XKR6: variants seen among roughly 807,000 people sequenced by gnomAD.
XKR6 encodes the protein XK-related protein 6.
In XKR6, 22 loss-of-function variants were observed where a neutral mutation model predicts 56.7. The observed-to-expected ratio is 0.39, with a 90% CI of 0.28 to 0.55. The LOEUF is 0.55. Among genes scored for constraint, XKR6 ranks in the 20% least tolerant of loss-of-function variants. The probability of loss-of-function intolerance (pLI) is 0.66; values close to 1 mark genes in which losing one functional copy is unlikely to be tolerated. For synonymous variants in XKR6, 524 were observed against 387.8 expected, an observed-to-expected ratio of 1.35 and a Z score of -4.13; for missense variants, 852 against 889.0, an observed-to-expected ratio of 0.96 and a Z score of 0.53.
intron 1 of XKR6, among the ~76,000 whole-genome samples, chr8:10,956,365 G>T (rs186468472): frequency 6.6e-6 from 1 of 152,138 alleles, no homozygotes; most frequent in African/African-American, 2.4e-5. Flanking sequence ...CTTGCCAGGC[G>T]TCTATCCCTG....
intron 1 of XKR6, among the ~76,000 whole-genome samples, chr8:10,925,294 G>A (rs941526828): frequency 1.3e-5 from 2 of 152,210 alleles, no homozygotes; most frequent in Admixed American, 6.5e-5. Context: ...CTCCTACTAC[G>A]TGCCATTCGC....
chr8:10,961,823 C>T (rs756486156), intron 1 of XKR6, among the ~76,000 whole-genome samples: 3 of 152,294 alleles, frequency 2.0e-5, no homozygotes, highest in Non-Finnish European at 4.4e-5. Flanking sequence ...ACCTGCCTTC[C>T]GAGGGGAACG....
At chr8:11,044,081 TAC>T (rs1799350105) in intron 1 of XKR6, among the ~76,000 whole-genome samples, 1 of 152,240 alleles carries the variant, frequency 6.6e-6, no homozygotes, top group African/African-American at 2.4e-5. Context: ...CAGCTGTAAC[TAC>T]AGCTTTGATT....
intron 1 of XKR6, among the ~76,000 whole-genome samples, chr8:10,966,272 G>A (rs187920051): frequency 1.3e-3 from 204 of 152,138 alleles, no homozygotes; most frequent in African/African-American, 4.7e-3. Flanking sequence ...TGCTGATGCC[G>A]CTGGTCCATG....
At chr8:11,171,408 T>C (rs11997750) in intron 1 of XKR6, among the ~76,000 whole-genome samples, 3,555 of 152,330 alleles carry the variant, frequency 0.023, 159 homozygotes, top group African/African-American at 0.079. Context: ...AGAGTTTGGA[T>C]ATTTTTCCCC....
At chr8:11,042,901 C>T (rs1290492980) in intron 1 of XKR6, among the ~76,000 whole-genome samples, 2 of 152,136 alleles carry the variant, frequency 1.3e-5, no homozygotes, top group Non-Finnish European at 2.9e-5. Flanking sequence ...AGAGTCCTCC[C>T]TGCACTCCTC....
In XKR6 at chr8:11,086,157, T is replaced by TTTTA. The variant is rs1491345169; in HGVS notation, c.764+114418_764+114419insTAAA. On this transcript the variant is annotated intron_variant, in intron 1 of 2. Transcript: ENST00000416569. ...AAATATATATATATATATTTTTTTT[T>TTTTA]AAAAAAAACAAGCATAATTCATAAT... Among the ~76,000 whole-genome samples the TTTTA allele has an allele frequency of 1.1e-3, 160 of 148,010 alleles. 1 individual carries two copies. Among genetic ancestry groups the TTTTA allele is most frequent in the Middle Eastern group, 0.011 (3 of 284 alleles).
chr8:10,976,936 T>C (rs780579927), intron 1 of XKR6, among the ~76,000 whole-genome samples: 2 of 148,996 alleles, frequency 1.3e-5, no homozygotes, highest in Non-Finnish European at 3.0e-5. Context: ...CAGGAGGTGG[T>C]CCCTGCTGAG....
chr8:11,098,224 C>T (rs563363749), intron 1 of XKR6, among the ~76,000 whole-genome samples: 13 of 152,034 alleles, frequency 8.6e-5, no homozygotes, highest in East Asian at 1.9e-4. Context: ...CACACACACA[C>T]GCACTCACAC....
intron 1 of XKR6, among the ~76,000 whole-genome samples, chr8:10,951,220 T>C (rs1400601454): frequency 1.4e-5 from 2 of 146,814 alleles, no homozygotes; most frequent in South Asian, 2.1e-4. Context: ...AATGAGCAAA[T>C]AGTGATGGAA....
At chr8:11,026,165 C>A (rs1798856400) in intron 1 of XKR6, among the ~76,000 whole-genome samples, 1 of 152,000 alleles carries the variant, frequency 6.6e-6, no homozygotes, top group Non-Finnish European at 1.5e-5. Context: ...TACGACACAC[C>A]TAGATGGTCT....
At chr8:11,083,931 A>T (rs1797806436) in intron 1 of XKR6, among the ~76,000 whole-genome samples, 1 of 152,186 alleles carries the variant, frequency 6.6e-6, no homozygotes. Context: ...TTCGTTAAAA[A>T]AAAAAACTCC....
At chr8:10,916,583 G>C (rs745863519) in intron 2 of XKR6, among the ~76,000 whole-genome samples, 2 of 152,248 alleles carry the variant, frequency 1.3e-5, no homozygotes, top group Non-Finnish European at 2.9e-5. Flanking sequence ...CAACCGCTAA[G>C]AGTCGGGCCC....
chr8:11,187,787 C>A (rs945096109), intron 1 of XKR6, among the ~76,000 whole-genome samples: 1 of 152,130 alleles, frequency 6.6e-6, no homozygotes, highest in Non-Finnish European at 1.5e-5. Context: ...TGAAACAGAG[C>A]TTTAATTCTA....
Position 11,058,808 on chromosome 8 carries a change from C to G in XKR6, c.765-133978G>C, listed in dbSNP as rs140074566. Among the ~76,000 whole-genome samples the G allele has an allele frequency of 1.5e-3, 232 of 152,264 alleles. 4 individuals are homozygous for G. The East Asian group carries it at 0.039, about 26-fold the overall frequency. ...CCACGGCACATGTATACCTATGTAA[C>G]AAACCTGCATGTTCTGCACATGTAT... On this transcript the variant is annotated intron_variant, in intron 1 of 2. Transcript: ENST00000416569.
chr8:10,941,191 C>A (rs993423542), intron 1 of XKR6, among the ~76,000 whole-genome samples: 1 of 152,146 alleles, frequency 6.6e-6, no homozygotes, highest in East Asian at 1.9e-4. Flanking sequence ...TCCGGGTTCA[C>A]AGCCTCCTCC....
chr8:11,168,107 A>C (rs1355264059), intron 1 of XKR6, among the ~76,000 whole-genome samples: 1 of 152,162 alleles, frequency 6.6e-6, no homozygotes, highest in Non-Finnish European at 1.5e-5. Flanking sequence ...CAGAGACACA[A>C]CACTGTAATT....
chr8:10,960,841 A>C (rs111986571), intron 1 of XKR6, among the ~76,000 whole-genome samples: 2,940 of 152,274 alleles, frequency 0.019, 52 homozygotes, highest in African/African-American at 0.049. Context: ...CAATTCTAGG[A>C]GCTTGGGAGA....
chr8:10,929,040 G>A (rs757834387), intron 1 of XKR6, among the ~76,000 whole-genome samples: 6 of 152,198 alleles, frequency 3.9e-5, no homozygotes, highest in Non-Finnish European at 8.8e-5. Context: ...CCAGTCTTGA[G>A]CAAGTCACCT....
Sources: allele counts gnomAD v4.1 joint callset (sites outside exome capture counted in the v4.1 genomes callset), GRCh38; gene constraint gnomAD v4.1.1; transcripts MANE v1.5; gene names NCBI Gene and HGNC (gene_info 2026-07-23, HGNC 2026-07-21).